The following XPNPEP3 variants were observed in gnomAD, a reference collection of about 807,000 sequenced individuals.
XPNPEP3 encodes xaa-Pro aminopeptidase 3.
Under a neutral mutation model 60.0 loss-of-function variants are expected in XPNPEP3, and 41 were observed. The observed-to-expected ratio is 0.68, with a 90% CI of 0.53 to 0.89. The LOEUF (loss-of-function observed/expected upper bound fraction) is 0.89. Ranked by LOEUF, XPNPEP3 falls within the 40% of genes least tolerant of loss-of-function variation. XPNPEP3 has a pLI of 0.00. For missense variants in XPNPEP3, 598 were observed against 638.9 expected (o/e 0.94, Z 0.69); for synonymous variants, 212 against 223.2 (o/e 0.95, Z 0.45).
At chr22:40,869,511 CATTTT>C (rs1345036624) in intron 2 of XPNPEP3, among the ~76,000 whole-genome samples, 4 of 152,088 alleles carry the variant, frequency 2.6e-5, no homozygotes, top group African/African-American at 9.7e-5. Context: ...GTGTTAAAGA[CATTTT>C]AGAAAACATG....
In XPNPEP3 at chr22:40,869,078, G is replaced by C; in HGVS notation, c.144G>C (p.Gln48His). 6.2e-7 allele frequency: 1 copy of C among 1,614,018 alleles called. No individual in the cohort carries two copies. Among genetic ancestry groups the C allele is most frequent in the South Asian group, 1.1e-5 (1 of 91,074 alleles). ...GGATTCCAAACCGATACTTAGGCCAGCCCAGCCCCTTTACACACCCACACC... is the reference window on the plus strand; with the variant it reads ...GGATTCCAAACCGATACTTAGGCCACCCCAGCCCCTTTACACACCCACACC... ...ERRIPNRYLG[Q>H]PSPFTHPHLL... The change falls in exon 2 of 10, where the codon CAG (glutamine) becomes CAC (histidine). Residue 48 changes from glutamine to histidine, a missense_variant. Transcript: ENST00000357137.
chr22:40,924,285 T>G, intron 8 of XPNPEP3, 77 bp from the exon 9 acceptor site: 1 of 1,591,288 alleles, frequency 6.3e-7, no homozygotes, highest in Non-Finnish European at 8.6e-7. Flanking sequence ...AACACATATC[T>G]CACTGATTTA....
intron 2 of XPNPEP3, among the ~76,000 whole-genome samples, chr22:40,880,901 G>A (rs2058045101): frequency 6.6e-6 from 1 of 152,020 alleles, no homozygotes; most frequent in Non-Finnish European, 1.5e-5. Context: ...TAGATTAGGA[G>A]TTGCCAGGGG....
Position 40,924,438 on chromosome 22 carries a change from G to A in XPNPEP3, c.1313G>A (p.Arg438His), listed in dbSNP as rs766361465. 9.5e-5 allele frequency: 153 copies of A among 1,613,986 alleles called. No individual in the cohort carries two copies. The highest frequency in any genetic ancestry group is 8.1e-5 in the Non-Finnish European group (95 of 1,180,026). The change falls in exon 9 of 10, where the codon CGT (arginine) becomes CAT (histidine). Residue 438 changes from arginine to histidine, a missense_variant. By Grantham distance (29) the Arg-to-His change is conservative (BLOSUM62 0). Coordinates refer to ENST00000357137, the MANE Select transcript of XPNPEP3 (RefSeq NM_022098.4). ...MDVHDTPDMP[R>H]SLPLQPGMVI... is the part of the protein sequence containing the mutation. ...GTCCATGACACTCCAGACATGCCCCGTTCCCTCCCTCTGCAGCCTGGGATG... is the reference window on the plus strand; with the variant it reads ...GTCCATGACACTCCAGACATGCCCCATTCCCTCCCTCTGCAGCCTGGGATG...
At chr22:40,876,725 T>C (rs2058028811) in intron 2 of XPNPEP3, among the ~76,000 whole-genome samples, 2 of 152,224 alleles carry the variant, frequency 1.3e-5, no homozygotes, top group African/African-American at 4.8e-5. Flanking sequence ...ATCCACACTT[T>C]CAACCACAAA....
chr22:40,873,654 C>T (rs1239405656), intron 2 of XPNPEP3, among the ~76,000 whole-genome samples: 1 of 151,746 alleles, frequency 6.6e-6, no homozygotes, highest in Non-Finnish European at 1.5e-5. Context: ...TGACAGATGT[C>T]TGTAGTCCTA....
At position 40,914,346 on chromosome 22, in the gene XPNPEP3, G is replaced by A. The variant is rs758962461; in HGVS notation, c.1055+22G>A. ...GCAGGTAGGGCTTCTACAGAGTAAC[G>A]TATCCCACTGCTTCTTAGGAGTATG... On this transcript the variant is annotated intron_variant, in intron 7 of 9. Coordinates refer to ENST00000357137, the MANE Select transcript of XPNPEP3 (RefSeq NM_022098.4). 4.5e-5 allele frequency: 71 copies of A among 1,585,678 alleles called. No individual in the cohort carries two copies. In the South Asian group the frequency reaches 7.1e-4, roughly 16 times the overall value.
intron 7 of XPNPEP3, among the ~76,000 whole-genome samples, chr22:40,915,542 A>T (rs1277876892): frequency 1.3e-5 from 2 of 150,294 alleles, no homozygotes; most frequent in African/African-American, 4.9e-5. Context: ...ACAGAGTGAG[A>T]CTCTATCTGA....
chr22:40,865,721 G>A (rs1232147379), intron 1 of XPNPEP3, among the ~76,000 whole-genome samples: 8 of 151,878 alleles, frequency 5.3e-5, no homozygotes, highest in Non-Finnish European at 1.2e-4. Flanking sequence ...GGTAGAGACA[G>A]GGTTTAGCCA....
chr22:40,898,523 G>A (rs1428655490), intron 4 of XPNPEP3, among the ~76,000 whole-genome samples: 1 of 133,420 alleles, frequency 7.5e-6, no homozygotes, highest in Non-Finnish European at 1.5e-5. Flanking sequence ...AAAGTGCTGG[G>A]ATTACAGGCG....
chr22:40,872,145 A>G (rs1028822834), intron 2 of XPNPEP3, among the ~76,000 whole-genome samples: 5 of 152,218 alleles, frequency 3.3e-5, no homozygotes, highest in African/African-American at 7.2e-5. Context: ...TGAAGCATCA[A>G]TAGCTTGGAA....
In XPNPEP3 at chr22:40,901,412, T is replaced by C. The variant is rs534656688; in HGVS notation, c.793-6175T>C. 4.2e-3 allele frequency among the ~76,000 whole-genome samples: 642 copies of C among 152,062 alleles called. 3 individuals are homozygous for C. The highest frequency in any genetic ancestry group is 6.9e-3 in the Non-Finnish European group (466 of 67,964). ...ACCACGCCCGGCTAATTTTTGTATA[T>C]TTAGTAGAGATGGGGTTTCTCCATG... is the stretch of plus-strand genomic sequence containing the variant. On this transcript the variant is annotated intron_variant, in intron 4 of 9. Coordinates refer to ENST00000357137, the MANE Select transcript of XPNPEP3 (RefSeq NM_022098.4).
intron 1 of XPNPEP3, among the ~76,000 whole-genome samples, chr22:40,866,489 T>C (rs900238873): frequency 2.0e-5 from 3 of 151,736 alleles, no homozygotes; most frequent in African/African-American, 7.3e-5. Flanking sequence ...CACTTTAGAC[T>C]AAGAGAACTA....
At chr22:40,892,878 C>T (rs1309715244) in intron 4 of XPNPEP3, among the ~76,000 whole-genome samples, 1 of 151,922 alleles carries the variant, frequency 6.6e-6, no homozygotes, top group Non-Finnish European at 1.5e-5. Context: ...ATTTTCTCTC[C>T]ACCTCCTTAT....
chr22:40,861,061 C>A (rs1601485083), intron 1 of XPNPEP3: 3 of 1,571,938 alleles, frequency 1.9e-6, no homozygotes, highest in South Asian at 2.4e-5. Flanking sequence ...TTTGAAGAGT[C>A]AATTTAACAA....
intron 4 of XPNPEP3, among the ~76,000 whole-genome samples, chr22:40,891,611 C>T (rs2058088876): frequency 6.6e-6 from 1 of 151,730 alleles, no homozygotes; most frequent in Non-Finnish European, 1.5e-5. Flanking sequence ...AGAGATCGCA[C>T]CACTGCACTC....
chr22:40,860,663 T>C, intron 1 of XPNPEP3: 1 of 1,305,984 alleles, frequency 7.7e-7, no homozygotes, highest in South Asian at 1.4e-5. Flanking sequence ...TTCCTTTTTT[T>C]TTTTTTTAAG....
chr22:40,869,857 C>T (rs1460312441), intron 2 of XPNPEP3, among the ~76,000 whole-genome samples: 1 of 152,088 alleles, frequency 6.6e-6, no homozygotes, highest in African/African-American at 2.4e-5. Context: ...GTAGAAAAAG[C>T]AATCAGGTTT....
Position 40,858,193 on chromosome 22 carries a change from C to T in XPNPEP3, c.64+948C>T, listed in dbSNP as rs146395621. Among the ~76,000 whole-genome samples, 208 of 152,266 alleles carry T rather than the reference C, an allele frequency of 1.4e-3. 3 individuals are homozygous for T. The highest frequency in any genetic ancestry group is 4.7e-3 in the African/African-American group (196 of 41,544). ...AATCTCTGCTCATTTGCAACCTCTG[C>T]CTCCTGAGTTCAAGCAATTCTCGTG... On this transcript the variant is annotated intron_variant, in intron 1 of 9. Transcript: ENST00000357137.
Sources: gnomAD v4.1 joint callset for allele counts (sites outside exome capture counted in the v4.1 genomes callset) on GRCh38, gnomAD v4.1.1 for gene constraint, MANE v1.5 for transcripts, NCBI Gene and HGNC (gene_info 2026-07-23, HGNC 2026-07-21) for gene names.